EIPR1: variants seen among roughly 807,000 people sequenced by gnomAD.
EIPR1 encodes EARP and GARP complex-interacting protein 1.
Under a neutral mutation model 48.1 loss-of-function variants are expected in EIPR1, and 25 were observed. The ratio of observed to expected loss-of-function variants is 0.52; its 90% CI spans 0.38 to 0.73. The LOEUF is 0.73. Among genes scored for constraint, EIPR1 ranks in the 30% least tolerant of loss-of-function variants. The pLI, the probability that EIPR1 is intolerant of heterozygous loss-of-function variation, is 0.00. For synonymous variants in EIPR1, 204 were observed against 201.9 expected, an observed-to-expected ratio of 1.01 and a Z score of -0.09; for missense variants, 415 against 506.2, an observed-to-expected ratio of 0.82 and a Z score of 1.73.
chr2:3,262,858 G>A (rs187781799), intron 3 of EIPR1, among the ~76,000 whole-genome samples: 13 of 152,294 alleles, frequency 8.5e-5, no homozygotes, highest in Admixed American at 6.5e-4. Context: ...TACCCACCAC[G>A]GCACAGGGTC....
chr2:3,271,994 C>T (rs1410239676), intron 3 of EIPR1, among the ~76,000 whole-genome samples: 2 of 152,246 alleles, frequency 1.3e-5, no homozygotes, highest in Non-Finnish European at 2.9e-5. Context: ...GAACTTGCTG[C>T]AGCTTCTCCA....
intron 2 of EIPR1, chr2:3,353,235 T>G (rs1457166222): frequency 1.7e-5 from 8 of 471,072 alleles, no homozygotes; most frequent in Non-Finnish European, 3.5e-5. Flanking sequence ...CTGGGTGGTC[T>G]TGGAACACAT....
chr2:3,272,386 C>G (rs563813546), intron 3 of EIPR1, among the ~76,000 whole-genome samples: 1 of 152,334 alleles, frequency 6.6e-6, no homozygotes, highest in African/African-American at 2.4e-5. Context: ...TTGGCTGAAA[C>G]TTGCCTTCCT....
chr2:3,207,546 G>A (rs1009922080), intron 5 of EIPR1, among the ~76,000 whole-genome samples: 10 of 152,222 alleles, frequency 6.6e-5, no homozygotes, highest in Non-Finnish European at 1.3e-4. Context: ...GGCCACCAAA[G>A]CTCCAGCAGC....
At position 3,215,552 on chromosome 2, in the gene EIPR1, A is replaced by C. The variant is rs139214335; in HGVS notation, c.417-1304T>G. ...CTGCGATAAAGCCATAAAGGGACCA[A>C]GAATTTTTCAACATGGTCGCAAATA... is the stretch of plus-strand genomic sequence containing the variant. On this transcript the variant is annotated intron_variant, in intron 4 of 8. Transcript: ENST00000382125. Among the ~76,000 whole-genome samples the C allele has an allele frequency of 1.6e-3, 243 of 152,376 alleles. 3 individuals are homozygous for C. Among genetic ancestry groups the C allele is most frequent in the Admixed American group, 0.015 (233 of 15,306 alleles).
chr2:3,305,430 C>T (rs1300856955), intron 3 of EIPR1, among the ~76,000 whole-genome samples: 1 of 151,172 alleles, frequency 6.6e-6, no homozygotes, highest in Non-Finnish European at 1.5e-5. Context: ...TTCAACCTTC[C>T]ACTCCCGTCC....
chr2:3,314,799 G>T (rs939061098), intron 3 of EIPR1, among the ~76,000 whole-genome samples: 3 of 151,808 alleles, frequency 2.0e-5, no homozygotes, highest in Non-Finnish European at 4.4e-5. Flanking sequence ...TGCCTCAGCC[G>T]CACTGGACCA....
chr2:3,308,440 GA>G (rs1669018635), intron 3 of EIPR1, among the ~76,000 whole-genome samples: 1 of 151,956 alleles, frequency 6.6e-6, no homozygotes, highest in African/African-American at 2.4e-5. Flanking sequence ...ATATGGCAGA[GA>G]AAACATTTAA....
intron 4 of EIPR1, among the ~76,000 whole-genome samples, chr2:3,215,596 G>A (rs181148498): frequency 3.5e-4 from 54 of 152,298 alleles, no homozygotes; most frequent in Non-Finnish European, 6.3e-4. Flanking sequence ...TGTTTTCTCT[G>A]GTGAAATTCT....
intron 3 of EIPR1, among the ~76,000 whole-genome samples, chr2:3,310,470 G>A (rs564684935): frequency 4.3e-4 from 61 of 140,476 alleles, no homozygotes; most frequent in South Asian, 1.7e-3. Context: ...TGGCTAAAAC[G>A]GTGAAACCCC....
intron 5 of EIPR1, among the ~76,000 whole-genome samples, chr2:3,203,677 G>A (rs891672103): frequency 4.3e-4 from 66 of 152,362 alleles, no homozygotes; most frequent in African/African-American, 1.5e-3. Flanking sequence ...GGACTTGGTG[G>A]CCTATGGAGT....
intron 1 of EIPR1, among the ~76,000 whole-genome samples, chr2:3,372,442 A>G (rs1163648539): frequency 2.0e-5 from 3 of 151,784 alleles, no homozygotes; most frequent in East Asian, 1.9e-4. Flanking sequence ...TGAATCCAGG[A>G]GCTGGTTTTT....
At chr2:3,208,977 G>A in intron 5 of EIPR1, 4 of 1,467,504 alleles carry the variant, frequency 2.7e-6, no homozygotes, top group Non-Finnish European at 3.6e-6. Context: ...CAAGGGAAGA[G>A]CTCTCATATT....
chr2:3,290,088 C>T (rs562377437), intron 3 of EIPR1, among the ~76,000 whole-genome samples: 6 of 152,338 alleles, frequency 3.9e-5, no homozygotes, highest in Non-Finnish European at 7.3e-5. Flanking sequence ...TTCTTTTGTA[C>T]TTAGCATTGT....
At chr2:3,190,779 C>G (rs1664579053) in intron 8 of EIPR1, among the ~76,000 whole-genome samples, 2 of 152,158 alleles carry the variant, frequency 1.3e-5, no homozygotes, top group Admixed American at 1.3e-4. Context: ...TGCTTAAATA[C>G]TATTCTATGG....
intron 4 of EIPR1, among the ~76,000 whole-genome samples, chr2:3,239,571 G>C (rs370735636): frequency 6.6e-6 from 1 of 152,234 alleles, no homozygotes; most frequent in African/African-American, 2.4e-5. Flanking sequence ...TGCTTTCCAC[G>C]TGTGGCCCTG....
chr2:3,371,658 G>T (rs1225879916), intron 1 of EIPR1, among the ~76,000 whole-genome samples: 1 of 152,136 alleles, frequency 6.6e-6, no homozygotes, highest in African/African-American at 2.4e-5. Context: ...AGGGTAAAGG[G>T]ATCAATTCAA....
chr2:3,299,624 T>TCA (rs3064647), intron 3 of EIPR1, among the ~76,000 whole-genome samples: 11,998 of 136,646 alleles, frequency 0.088, 903 homozygotes, highest in East Asian at 0.44. Context: ...TCTCTCTCTC[T>TCA]CACACACACA....
rs1667611086 is a variant in EIPR1, at chr2:3,269,402, GCACTCAATCATCGCACTCAATCATCA to G, written c.260-11973_260-11948del. ...CACTCAGTCATCGCACTCAGTCATC[GCACTCAATCATCGCACTCAATCATCA>G]CACTCAATCATCACCACACTCAATC... On this transcript the variant is annotated intron_variant, in intron 3 of 8. Coordinates refer to ENST00000382125, the MANE Select transcript of EIPR1 (RefSeq NM_003310.5). Among the ~76,000 whole-genome samples the G allele has an allele frequency of 2.5e-4, 28 of 110,336 alleles. 2 individuals are homozygous for G. The highest frequency in any genetic ancestry group is 8.0e-4 in the Admixed American group (9 of 11,220). The allele number at this position is 110,336 out of a possible 152,430, so 72.4% of individuals were successfully genotyped here. A position where few individuals can be genotyped will look rare whatever the true frequency, so the allele number is the denominator to read the frequency against.
Sources: allele counts gnomAD v4.1 joint callset (sites outside exome capture counted in the v4.1 genomes callset), GRCh38; gene constraint gnomAD v4.1.1; transcripts MANE v1.5; gene names NCBI Gene and HGNC (gene_info 2026-07-23, HGNC 2026-07-21).